The following TMPRSS6 variants were observed in gnomAD, a reference collection of about 807,000 sequenced individuals.
TMPRSS6 encodes transmembrane serine protease 6.
In TMPRSS6, 67 loss-of-function variants were observed where a neutral mutation model predicts 101.5. The ratio of observed to expected loss-of-function variants is 0.66; its 90% confidence interval spans 0.54 to 0.81. TMPRSS6 has a LOEUF of 0.81. TMPRSS6 is among the 30% of genes least tolerant of loss of function. TMPRSS6 has a pLI of 0.00. For synonymous variants in TMPRSS6, 453 were observed against 464.9 expected (o/e 0.97, Z 0.33); for missense variants, 1,034 against 1,088.7 (o/e 0.95, Z 0.71).
At chr22:37,082,779 C>T (rs1601541930) in intron 10 of TMPRSS6, 3 of 361,418 alleles carry the variant, frequency 8.3e-6, no homozygotes, top group South Asian at 2.1e-5. Context: ...GCCATATCAC[C>T]CCCAACAGCA....
rs1930507148 is a variant in TMPRSS6 at position 37,103,482 on chromosome 22, A to C, written c.-1-64T>G. 8 of 1,614,210 alleles carry C rather than the reference A, an allele frequency of 5.0e-6. No individual in the cohort carries two copies. The highest frequency in any genetic ancestry group is 1.6e-4 in the Middle Eastern group (1 of 6,062). On this transcript the variant is annotated intron_variant, in intron 1 of 17. Transcript: ENST00000676104. This position sits in a 1 kb window ranked among gnomAD's most constrained non-coding sequence, Gnocchi z 4.4. Reference sequence around the variant, plus strand: ...ATTTGCAAGGGAGCCTCTGCTGAGCACCGGTGGGGCACGGAAGCAGGACTT... The same window carrying C: ...ATTTGCAAGGGAGCCTCTGCTGAGCCCCGGTGGGGCACGGAAGCAGGACTT...
intron 14 of TMPRSS6, 108 bp downstream of exon 14, chr22:37,070,808 G>A (rs2146037343): frequency 1.5e-6 from 2 of 1,318,176 alleles, no homozygotes; most frequent in Non-Finnish European, 2.2e-6. Context: ...GGCAGAGGAT[G>A]AGATAGAGAG....
At chr22:37,096,861 G>A in intron 3 of TMPRSS6, 146 bp from the exon 4 acceptor site, 1 of 807,582 alleles carries the variant, frequency 1.2e-6, no homozygotes, top group Non-Finnish European at 2.1e-6. Flanking sequence ...CGGTCACACA[G>A]TGCTGAGTGG....
In TMPRSS6 at chr22:37,075,247, G is replaced by A. The variant is rs766384702; in HGVS notation, c.1230C>T (p.Ala410=). ...CCGTGGCCACCACGGGGATCCTCTC[G>A]GCGTAGGGCTGCAGGATGCGCAAGC... The part of the protein sequence containing the change: ...LCGLRILQPY[A]ERIPVVATAG... Residue 410 remains alanine (A), a synonymous_variant, in exon 11 of 18, where the codon GCC becomes GCT. Transcript: ENST00000676104. 40 of 1,613,604 alleles carry A rather than the reference G, an allele frequency of 2.5e-5. No homozygotes were observed. The highest frequency in any genetic ancestry group is 3.3e-5 in the Admixed American group (2 of 60,012).
At chr22:37,087,674 G>T (rs995840336) in intron 7 of TMPRSS6, among the ~76,000 whole-genome samples, 2 of 150,956 alleles carry the variant, frequency 1.3e-5, no homozygotes, top group Non-Finnish European at 3.0e-5. Flanking sequence ...CAACCACACC[G>T]GTGCCCCCCA....
chr22:37,068,310 T>C (rs1926527446), intron 16 of TMPRSS6, among the ~76,000 whole-genome samples: 1 of 152,206 alleles, frequency 6.6e-6, no homozygotes. Context: ...GGTAAGTCAC[T>C]GTTCCTCTGA....
chr22:37,084,905 C>T, intron 8 of TMPRSS6, 66 bp from the exon 9 acceptor site: 2 of 1,249,774 alleles, frequency 1.6e-6, no homozygotes, highest in Non-Finnish European at 2.3e-6. Context: ...GCTGGCGCAG[C>T]TTGTAACCCC....
chr22:37,065,747 C>G lies in TMPRSS6; in HGVS notation c.*333G>C, dbSNP rs1030191839. The G allele has an allele frequency of 2.5e-6, 1 of 392,558 alleles. No homozygotes were observed. The highest frequency in any genetic ancestry group is 4.8e-6 in the Non-Finnish European group (1 of 207,028). The allele number at this position is 392,558 out of a possible 1,614,324, so 24.3% of individuals were successfully genotyped here. On this transcript the variant is annotated 3_prime_UTR_variant, in exon 18 of 18. Transcript: ENST00000676104. ...AGTGGGGCGCACCTCAGACACTCCT[C>G]GGGATGTAGAACCAGCATTCTTGCT...
At chr22:37,097,848 G>A (rs570534324) in intron 3 of TMPRSS6, among the ~76,000 whole-genome samples, 1 of 122,878 alleles carries the variant, frequency 8.1e-6, no homozygotes, top group East Asian at 2.6e-4. Context: ...GGGGAAGAGC[G>A]GGCCACCGTC....
In TMPRSS6 at chr22:37,074,674, T is replaced by G; in HGVS notation, c.1377A>C (p.Gly459=). 1 of 1,613,816 alleles carries G rather than the reference T, an allele frequency of 6.2e-7. No individual in the cohort carries two copies. The highest frequency in any genetic ancestry group is 8.5e-7 in the Non-Finnish European group (1 of 1,179,936). ...CCCCATCACAGGCAGGGACACAGAG[T>G]CCATTCACAGAACAGAGGAACTCTC... ...CPGEFLCSVN[G]LCVPACDGVK... is the part of the protein sequence containing the mutation. Residue 459 remains glycine, a synonymous_variant, in exon 12 of 18, where the codon GGA becomes GGC. Transcript: ENST00000676104.
At chr22:37,108,934 A>G (rs1930888338) in intron 1 of TMPRSS6, among the ~76,000 whole-genome samples, 2 of 152,256 alleles carry the variant, frequency 1.3e-5, no homozygotes, top group South Asian at 2.1e-4. Flanking sequence ...AGACCCACAG[A>G]TGTACACAGA....
chr22:37,086,197 C>T, intron 8 of TMPRSS6, 86 bp downstream of exon 8: 6 of 1,586,458 alleles, frequency 3.8e-6, no homozygotes, highest in Non-Finnish European at 4.3e-6. Flanking sequence ...TCAATTTGGG[C>T]AAAAAAGGTG....
In TMPRSS6 at chr22:37,069,209, G is replaced by A; in HGVS notation, c.1977C>T (p.Asp659=). 3.1e-6 allele frequency: 5 copies of A among 1,606,662 alleles called. No individual in the cohort carries two copies. The highest frequency in any genetic ancestry group is 3.4e-6 in the Non-Finnish European group (4 of 1,177,408). Reference sequence around the variant, plus strand: ...GGTGGTCGAGCTGCAGCAGCGCCACGTCGTAGTCATGGCTGTCCTCTTCGT... The same window carrying A: ...GGTGGTCGAGCTGCAGCAGCGCCACATCGTAGTCATGGCTGTCCTCTTCGT... ...PYHEEDSHDY[D]VALLQLDHPV... is the part of the protein sequence containing the mutation. Residue 659 remains aspartate (D), a synonymous_variant, in exon 16 of 18, where the codon GAC becomes GAT. Transcript: ENST00000676104. The surrounding 1 kb of genome is among the most constrained non-coding windows in gnomAD (Gnocchi z 4.8).
At chr22:37,080,579 CACTATCGCCCATGATCATA>C (rs1928184223) in intron 10 of TMPRSS6, among the ~76,000 whole-genome samples, 1 of 152,254 alleles carries the variant, frequency 6.6e-6, no homozygotes, top group Non-Finnish European at 1.5e-5. Flanking sequence ...ATGGGATGAT[CACTATCGCCCATGATCATA>C]ACTAGAGGGC....
intron 2 of TMPRSS6, among the ~76,000 whole-genome samples, chr22:37,099,944 G>GT (rs920738897): frequency 2.0e-5 from 3 of 152,026 alleles, no homozygotes; most frequent in African/African-American, 7.2e-5. Context: ...ATGGGAGGTG[G>GT]TTTTTTTGTT....
At chr22:37,068,599 C>T (rs1399210190) in intron 16 of TMPRSS6, 1 of 779,666 alleles carries the variant, frequency 1.3e-6, no homozygotes, top group African/African-American at 1.7e-5. Context: ...CCAGTCCTCT[C>T]TGGCTGTGTG....
rs1926255953 is a variant in TMPRSS6, at chr22:37,066,135, C to T, written c.2354G>A (p.Gly785Asp). The change falls in exon 18 of 18, where the codon GGC becomes GAC. Residue 785 changes from glycine to aspartate, a missense_variant. Transcript: ENST00000676104. ...CACACCTGTGATGCGGGTGTAGACGCCGAAGTAGTTAGGCCGGCCACAGCC... is the reference window on the plus strand; with the variant it reads ...CACACCTGTGATGCGGGTGTAGACGTCGAAGTAGTTAGGCCGGCCACAGCC... ...GLGCGRPNYFGVYTRITGVIS... is the reference protein window; with the variant it reads ...GLGCGRPNYFDVYTRITGVIS... The T allele has an allele frequency of 6.2e-7, 1 of 1,613,286 alleles. No homozygotes were observed. Among genetic ancestry groups the T allele is most frequent in the Admixed American group, 1.7e-5 (1 of 60,008 alleles).
upstream of TMPRSS6, among the ~76,000 whole-genome samples, chr22:37,109,844 T>A (rs976133929): frequency 2.0e-5 from 3 of 151,768 alleles, no homozygotes; most frequent in Non-Finnish European, 1.5e-5. Flanking sequence ...CCGAGGCCCG[T>A]TGCCTGGTGA....
intron 16 of TMPRSS6, among the ~76,000 whole-genome samples, chr22:37,067,756 C>T (rs1043445741): frequency 6.6e-6 from 1 of 152,228 alleles, no homozygotes; most frequent in African/African-American, 2.4e-5. Context: ...TGAAACTCCC[C>T]GTATGGTTCT....
Sources: gnomAD v4.1 joint callset for allele counts (sites outside exome capture counted in the v4.1 genomes callset) on GRCh38, gnomAD v4.1.1 for gene constraint, Gnocchi (gnomAD v3.1) non-coding constraint, MANE v1.5 for transcripts, NCBI Gene and HGNC (gene_info 2026-07-23, HGNC 2026-07-21) for gene names.